TEK: variants seen among roughly 807,000 people sequenced by gnomAD.
The protein encoded by TEK is TEK receptor tyrosine kinase, also known as angiopoietin-1 receptor.
TEK carries 43 observed loss-of-function variants against 131.8 expected under a neutral mutation model. The observed-to-expected ratio is 0.33, with a 90% confidence interval of 0.26 to 0.42. The LOEUF (loss-of-function observed/expected upper bound fraction) is 0.42. Among genes scored for constraint, TEK ranks in the 10% least tolerant of loss-of-function variants. The probability of loss-of-function intolerance (pLI) is 1.00; values close to 1 mark genes in which losing one functional copy is unlikely to be tolerated. For synonymous variants in TEK, 580 were observed against 491.6 expected (o/e 1.18, Z -2.38); for missense variants, 1,162 against 1,384.4 (o/e 0.84, Z 2.55).
chr9:27,110,035 G>T (rs1821275206), intron 1 of TEK, among the ~76,000 whole-genome samples: 1 of 151,938 alleles, frequency 6.6e-6, no homozygotes, highest in Non-Finnish European at 1.5e-5. Flanking sequence ...AGTAAAAAAT[G>T]AAATTCATGC....
At position 27,209,251 on chromosome 9, in the gene TEK, T is replaced by TCTTTCCTGC. The variant is rs752930897; in HGVS notation, c.2686+22_2686+30dup. ...ATCGAGGTAAGATGCTCTTTTCCTGTCTTTCCTGCCAGAGTTTTTATAAAA... is the reference window on the plus strand; with the variant it reads ...ATCGAGGTAAGATGCTCTTTTCCTGTCTTTCCTGCCTTTCCTGCCAGAGTTTTTATAAAA... On this transcript the variant is annotated intron_variant, in intron 16 of 22. Transcript: ENST00000380036. The TCTTTCCTGC allele has an allele frequency of 2.0e-6, 3 of 1,533,348 alleles. No homozygotes were observed. In the African/African-American group the frequency reaches 4.1e-5, roughly 21 times the overall value. 95.0% of individuals were successfully genotyped at this position (1,533,348 alleles called of 1,614,324 possible).
chr9:27,228,341 G>C (rs1367081617), intron 22 of TEK, 36 bp downstream of exon 22: 2 of 1,504,106 alleles, frequency 1.3e-6, no homozygotes, highest in Non-Finnish European at 1.8e-6. Flanking sequence ...TCTTTAATTG[G>C]AATACCTGAT....
chr9:27,110,100 G>A (rs552303537), intron 1 of TEK, among the ~76,000 whole-genome samples: 159 of 150,760 alleles, frequency 1.1e-3, no homozygotes, highest in Middle Eastern at 3.5e-3. Context: ...TGTTAAAAGG[G>A]AACAAAGATG....
chr9:27,154,971 A>G (rs1384893502), intron 1 of TEK, among the ~76,000 whole-genome samples: 1 of 152,232 alleles, frequency 6.6e-6, no homozygotes. Context: ...TGCATTTTGT[A>G]TTATTTCCTA....
chr9:27,161,925 T>A (rs547739857), intron 2 of TEK, among the ~76,000 whole-genome samples: 4 of 152,270 alleles, frequency 2.6e-5, no homozygotes, highest in Non-Finnish European at 5.9e-5. Context: ...ATTATTGTAA[T>A]TTCTTTGAGT....
intron 1 of TEK, among the ~76,000 whole-genome samples, chr9:27,119,722 C>T (rs1011994575): frequency 4.6e-5 from 7 of 152,234 alleles, no homozygotes; most frequent in Non-Finnish European, 1.0e-4. Context: ...TGGGTCGTGA[C>T]TGATCACGGG....
In TEK at chr9:27,180,285, G is replaced by C. The variant is rs1157685615; in HGVS notation, c.947G>C (p.Ser316Thr). The C allele has an allele frequency of 2.5e-6, 4 of 1,613,928 alleles. No individual in the cohort carries two copies. The highest frequency in any genetic ancestry group is 3.4e-6 in the Non-Finnish European group (4 of 1,179,886). Residue 316 changes from serine (S) to threonine (T), a missense_variant, in exon 7 of 23, where the codon AGC (serine) becomes ACC (threonine). Transcript: ENST00000380036. ...FYGPDCKLRC[S>T]CNNGEMCDRF... Reference sequence around the variant, plus strand: ...GGGCCAGATTGTAAGCTTAGGTGCAGCTGCAACAATGGGGAGATGTGTGAT... The same window carrying C: ...GGGCCAGATTGTAAGCTTAGGTGCACCTGCAACAATGGGGAGATGTGTGAT...
intron 1 of TEK, among the ~76,000 whole-genome samples, chr9:27,137,794 G>A (rs975330573): frequency 2.6e-5 from 4 of 152,084 alleles, no homozygotes; most frequent in African/African-American, 7.2e-5. Flanking sequence ...TTTCTCTTTA[G>A]TTAGGTTTAT....
At chr9:27,180,405 A>G (rs766915144) in intron 7 of TEK, 37 bp downstream of exon 7, 1 of 1,600,270 alleles carries the variant, frequency 6.2e-7, no homozygotes, top group Non-Finnish European at 8.5e-7. Flanking sequence ...GGCCATGTTC[A>G]GCATGTCTGA....
chr9:27,209,610 T>C (rs1239891161), intron 16 of TEK, among the ~76,000 whole-genome samples: 2 of 152,160 alleles, frequency 1.3e-5, no homozygotes, highest in Non-Finnish European at 2.9e-5. Context: ...ACCCAGGGAA[T>C]TGGTATTCTG....
At chr9:27,121,821 C>T (rs1821802595) in intron 1 of TEK, among the ~76,000 whole-genome samples, 1 of 152,186 alleles carries the variant, frequency 6.6e-6, no homozygotes, top group South Asian at 2.1e-4. Flanking sequence ...GTTAGCCACT[C>T]GAATCCTGTC....
At chr9:27,189,635 G>C (rs1435861472) in intron 9 of TEK, among the ~76,000 whole-genome samples, 1 of 152,144 alleles carries the variant, frequency 6.6e-6, no homozygotes, top group African/African-American at 2.4e-5. Context: ...AGAAGGATCA[G>C]AGAGGCCTGA....
At chr9:27,131,461 A>G (rs1468790698) in intron 1 of TEK, among the ~76,000 whole-genome samples, 1 of 146,954 alleles carries the variant, frequency 6.8e-6, no homozygotes, top group African/African-American at 2.6e-5. Flanking sequence ...CCTGGGTAAC[A>G]GGACAAGACC....
chr9:27,153,842 C>A (rs186142568), intron 1 of TEK, among the ~76,000 whole-genome samples: 1 of 152,324 alleles, frequency 6.6e-6, no homozygotes, highest in African/African-American at 2.4e-5. Flanking sequence ...AGCAGCAGAA[C>A]TCTTTCAAGA....
chr9:27,141,590 T>C (rs1822727162), intron 1 of TEK, among the ~76,000 whole-genome samples: 1 of 152,206 alleles, frequency 6.6e-6, no homozygotes, highest in African/African-American at 2.4e-5. Flanking sequence ...TCAGTCTAAT[T>C]CCATTGGCCT....
At chr9:27,119,749 C>A (rs1316648390) in intron 1 of TEK, among the ~76,000 whole-genome samples, 2 of 152,178 alleles carry the variant, frequency 1.3e-5, no homozygotes, top group Admixed American at 6.6e-5. Flanking sequence ...GATGATCTGT[C>A]ATTTGAAGGT....
intron 6 of TEK, among the ~76,000 whole-genome samples, chr9:27,177,545 G>C (rs1175647453): frequency 6.6e-6 from 1 of 152,214 alleles, no homozygotes; most frequent in Non-Finnish European, 1.5e-5. Context: ...GAGGTTGGGA[G>C]TTCGAGACCA....
intron 12 of TEK, among the ~76,000 whole-genome samples, chr9:27,201,570 T>C (rs1564094078): frequency 6.6e-6 from 1 of 152,198 alleles, no homozygotes; most frequent in Non-Finnish European, 1.5e-5. Context: ...TTTTGGATAC[T>C]GTACCATCTG....
chr9:27,139,978 T>C (rs1188340706), intron 1 of TEK, among the ~76,000 whole-genome samples: 1 of 152,174 alleles, frequency 6.6e-6, no homozygotes, highest in Non-Finnish European at 1.5e-5. Context: ...TCCCGCTACC[T>C]TAGACTCTCT....
Sources: allele counts gnomAD v4.1 joint callset (sites outside exome capture counted in the v4.1 genomes callset), GRCh38; gene constraint gnomAD v4.1.1; transcripts MANE v1.5; gene names NCBI Gene and HGNC (gene_info 2026-07-23, HGNC 2026-07-21).